Variants in IRF1 observed in about 807,000 individuals in gnomAD.
IRF1 encodes the protein interferon regulatory factor 1.
In IRF1, 13 loss-of-function variants were observed where a neutral mutation model predicts 43.7. The ratio of observed to expected loss-of-function variants is 0.30; its 90% CI spans 0.19 to 0.47. The LOEUF (loss-of-function observed/expected upper bound fraction) is 0.47, where lower values mean the gene tolerates loss of function less well. IRF1 is among the 20% of genes least tolerant of loss of function. The pLI, the probability that IRF1 is intolerant of heterozygous loss-of-function variation, is 0.99. For missense variants in IRF1, 236 were observed against 408.9 expected, an observed-to-expected ratio of 0.58 and a Z score of 3.65; for synonymous variants, 138 against 146.8, an observed-to-expected ratio of 0.94 and a Z score of 0.43.
At position 132,484,074 on chromosome 5, in the gene IRF1, C is replaced by T. The variant is rs1754455121; in HGVS notation, c.855G>A (p.Gly285=). The stretch of plus-strand genomic sequence containing the variant: ...CACGCTGTAGACTCAGCCCAATATC[C>T]CCTAGAAGATGTGAAGAAGGTTGTA... The part of the protein sequence containing the change: ...KEEPEIDSPG[G]DIGLSLQRVF... Residue 285 remains glycine (G), a splice_region_variant and synonymous_variant, in exon 10 of 10, where the codon GGG becomes GGA. Transcript: ENST00000245414. The T allele has an allele frequency of 6.2e-7, 1 of 1,613,524 alleles. No individual in the cohort carries two copies. The highest frequency in any genetic ancestry group is 1.7e-5 in the Admixed American group (1 of 59,962).
intron 3 of IRF1, 91 bp from the exon 4 acceptor site, chr5:132,487,221 T>C (rs1754557541): frequency 7.9e-7 from 1 of 1,264,800 alleles, no homozygotes; most frequent in Non-Finnish European, 1.1e-6. Context: ...AAGGTACCCC[T>C]GACCTCTTAT....
chr5:132,486,257 A>C lies in IRF1; in HGVS notation c.661T>G (p.Ser221Ala), dbSNP rs1754523411. ...NFQVSPMPST[S>A]EATTDEDEEG... ...AGGCCCCAGGAGCACCAACCTTCAG[A>C]GGTGGAGGGCATGGGTGACACCTGG... The change falls in exon 7 of 10, where the codon TCT becomes GCT. Residue 221 changes from serine to alanine, a missense_variant. Coordinates refer to ENST00000245414, the MANE Select transcript of IRF1 (RefSeq NM_002198.3). 4 of 1,613,436 alleles carry C rather than the reference A, an allele frequency of 2.5e-6. No homozygotes were observed.
rs1207445843 is a variant in IRF1, at chr5:132,490,400, C to T, written c.-6+145G>A. The T allele has an allele frequency of 1.3e-5, 2 of 149,910 alleles. No individual in the cohort carries two copies. The highest frequency in any genetic ancestry group is 2.1e-4 in the South Asian group (1 of 4,830). The allele number at this position is 149,910 out of a possible 1,614,324, so 9.3% of individuals were successfully genotyped here. ...GGCCCGCGGCTCGCAGCTCCTCCGG[C>T]GCCCCCCGGAGCCCGCGCGGAGGCC... On this transcript the variant is annotated intron_variant, in intron 1 of 9. Coordinates refer to ENST00000245414, the MANE Select transcript of IRF1 (RefSeq NM_002198.3). This position sits in a 1 kb window ranked among gnomAD's most constrained non-coding sequence, Gnocchi z 5.8.
At position 132,486,641 on chromosome 5, in the gene IRF1, T is replaced by C; in HGVS notation, c.460A>G (p.Ser154Gly). The C allele has an allele frequency of 6.2e-7, 1 of 1,614,168 alleles. No individual in the cohort carries two copies. ...SPDTFSDGLS[S>G]STLPDDHSSY... is the part of the protein sequence containing the mutation. ...CTGTGGTCATCAGGCAGAGTGGAGCTGCTGAGTCCATCAGAGAAGGTATCA... is the reference window on the plus strand; with the variant it reads ...CTGTGGTCATCAGGCAGAGTGGAGCCGCTGAGTCCATCAGAGAAGGTATCA... Residue 154 changes from serine (S) to glycine (G), a missense_variant, in exon 6 of 10, where the codon AGC becomes GGC. Ser to Gly is a moderately conservative substitution (Grantham distance 56, BLOSUM62 0). This residue lies in a region of IRF1 where 170 missense variants were observed against 251.8 expected (regional missense o/e 0.68). Transcript: ENST00000245414.
rs117282832 is a variant in IRF1, at chr5:132,488,011, G to A, written c.102C>T (p.Phe34=). Residue 34 remains phenylalanine (F), a synonymous_variant, in exon 3 of 10, where the codon TTC becomes TTT. Transcript: ENST00000245414. ...TGGCAGCATGCTTCCATGGGATCTG[G>A]AAGATCATCTCCTCCTGAACAATAC... is the stretch of plus-strand genomic sequence containing the variant. ...LIWINKEEMI[F]QIPWKHAAKH... 9.3e-6 allele frequency: 15 copies of A among 1,612,078 alleles called. No individual in the cohort carries two copies. The East Asian group carries it at 3.1e-4, about 34-fold the overall frequency.
At position 132,488,316 on chromosome 5, in the gene IRF1, C is replaced by A. The variant is rs1374319144; in HGVS notation, c.88-291G>T. On this transcript the variant is annotated intron_variant, in intron 2 of 9. Coordinates refer to ENST00000245414, the MANE Select transcript of IRF1 (RefSeq NM_002198.3). ...AGGACCCACACAGGGCACCCTCCCCCAAAGCCCTGGTTTTGAAGCTCTGGG... is the reference window on the plus strand; with the variant it reads ...AGGACCCACACAGGGCACCCTCCCCAAAAGCCCTGGTTTTGAAGCTCTGGG... 1.3e-5 allele frequency: 4 copies of A among 319,152 alleles called. No individual in the cohort carries two copies. The Admixed American group carries it at 1.8e-4, about 14-fold the overall frequency. The allele number at this position is 319,152 out of a possible 1,614,324, so 19.8% of individuals were successfully genotyped here.
rs1754672297 is a variant in IRF1 at position 132,490,166 on chromosome 5, C to G, written c.-6+379G>C. 1 of 152,348 alleles carries G rather than the reference C, an allele frequency of 6.6e-6. No homozygotes were observed. Among genetic ancestry groups the G allele is most frequent in the Non-Finnish European group, 1.5e-5 (1 of 68,126 alleles). The allele number at this position is 152,348 out of a possible 1,614,324, so 9.4% of individuals were successfully genotyped here. On this transcript the variant is annotated intron_variant, in intron 1 of 9. Coordinates refer to ENST00000245414, the MANE Select transcript of IRF1 (RefSeq NM_002198.3). This position sits in a 1 kb window ranked among gnomAD's most constrained non-coding sequence, Gnocchi z 5.8. ...CAAAACCTGTCGCCTGGGCGCGGAG[C>G]TGGGACCGCCGAAAGCCGGGAGCAC...
chr5:132,486,973 G>C lies in IRF1; in HGVS notation c.345C>G (p.Leu115=), dbSNP rs17622685. The change falls in exon 4 of 10, where the codon CTC becomes CTG. Residue 115 remains leucine, a synonymous_variant. Coordinates refer to ENST00000245414, the MANE Select transcript of IRF1 (RefSeq NM_002198.3). ...AVRVYRMLPP[L]TKNQRKERKS... is the part of the protein sequence containing the mutation. The stretch of plus-strand genomic sequence containing the variant: ...GGATACCTTTTCTCTGGTTCTTGGT[G>C]AGAGGTGGAAGCATCCGGTACACTC... 0.013 allele frequency: 20,301 copies of C among 1,614,166 alleles called. 185 individuals are homozygous for C. The highest frequency in any genetic ancestry group is 0.015 in the Non-Finnish European group (17,355 of 1,180,008).
Position 132,487,012 on chromosome 5 carries a change from G to C in IRF1, c.306C>G (p.Gly102=), listed in dbSNP as rs935917052. The C allele has an allele frequency of 2.5e-6, 4 of 1,614,074 alleles. No homozygotes were observed. The highest frequency in any genetic ancestry group is 3.4e-6 in the Non-Finnish European group (4 of 1,180,034). ...TCCGGTACACTCGCACAGCTGAGCT[G>C]CCCTTGTTCCTGCTCTGGTCTTTCA... The part of the protein sequence containing the change: ...EEVKDQSRNK[G]SSAVRVYRML... The change falls in exon 4 of 10, where the codon GGC becomes GGG. Residue 102 remains glycine, a synonymous_variant. Coordinates refer to ENST00000245414, the MANE Select transcript of IRF1 (RefSeq NM_002198.3).
At chr5:132,484,242 C>T (rs1754459649) in intron 9 of IRF1, 120 bp downstream of exon 9, 3 of 1,444,286 alleles carry the variant, frequency 2.1e-6, no homozygotes, top group Non-Finnish European at 2.9e-6. Context: ...AGCTAATTCA[C>T]AATGTGTCAG....
chr5:132,487,361 A>G, intron 3 of IRF1: 1 of 556,378 alleles, frequency 1.8e-6, no homozygotes, highest in East Asian at 3.1e-5. Flanking sequence ...TGAAGGGCCC[A>G]GCCAGAAGCA....
intron 7 of IRF1, chr5:132,485,979 G>A (rs1754515209): frequency 3.3e-6 from 2 of 598,322 alleles, no homozygotes; most frequent in Non-Finnish European, 5.9e-6. Flanking sequence ...CTCAGATGCT[G>A]GGCTACAGAG....
At position 132,487,037 on chromosome 5, in the gene IRF1, AC is replaced by A; in HGVS notation, c.280del (p.Val94Ter). ...AMNSLPDIEE[V>X]KDQSRNKGSS... The stretch of plus-strand genomic sequence containing the variant: ...GCCCTTGTTCCTGCTCTGGTCTTTC[AC>A]CTCCTCGATATCTGGCAGGGAGTTC... On this transcript the variant is annotated frameshift_variant, in exon 4 of 10. Transcript: ENST00000245414. LOFTEE classifies it high-confidence loss of function. 1 of 1,613,446 alleles carries A rather than the reference AC, an allele frequency of 6.2e-7. No individual in the cohort carries two copies. Among genetic ancestry groups the A allele is most frequent in the Non-Finnish European group, 8.5e-7 (1 of 1,179,870 alleles).
At position 132,481,791 on chromosome 5, in the gene IRF1, G is replaced by T. The variant is rs74613294; in HGVS notation, c.*2160C>A. On this transcript the variant is annotated 3_prime_UTR_variant, in exon 10 of 10. Transcript: ENST00000245414. ...GCAAGTGCTACCCAGCACAGCAGCC[G>T]TGAGGACCTTTCTTGGGCTGCTGAC... is the stretch of plus-strand genomic sequence containing the variant. The T allele has an allele frequency of 1.3e-5, 2 of 152,340 alleles. No individual in the cohort carries two copies. The highest frequency in any genetic ancestry group is 4.1e-4 in the South Asian group (2 of 4,832). The allele number at this position is 152,340 out of a possible 1,614,324, so 9.4% of individuals were successfully genotyped here.
rs960757 is a variant in IRF1 at position 132,490,618 on chromosome 5, G to A, written c.-79C>T. 0.34 allele frequency: 51,591 copies of A among 152,260 alleles called. 8,761 individuals carry two copies. The highest frequency in any genetic ancestry group is 0.49 in the Middle Eastern group (143 of 294). The allele number at this position is 152,260 out of a possible 1,614,324, so 9.4% of individuals were successfully genotyped here. On this transcript the variant is annotated 5_prime_UTR_variant, in exon 1 of 10. Transcript: ENST00000245414. The surrounding 1 kb of genome is among the most constrained non-coding windows in gnomAD (Gnocchi z 5.8). Reference sequence around the variant, plus strand: ...GCAGGGGCTGCAGTGAGGGCGCGCGGAGCGCGACTCCGAGTGGAAGAGGGA... The same window carrying A: ...GCAGGGGCTGCAGTGAGGGCGCGCGAAGCGCGACTCCGAGTGGAAGAGGGA...
Position 132,486,294 on chromosome 5 carries a change from A to T in IRF1, c.624T>A (p.Asp208Glu). ...PVEVVPDSTSDLYNFQVSPMP... is the reference protein window; with the variant it reads ...PVEVVPDSTSELYNFQVSPMP... ...TGGGTGACACCTGGAAGTTGTACAG[A>T]TCACTGGTGCTGTCCGGCACAACTT... Residue 208 changes from aspartate (D) to glutamate (E), a missense_variant, in exon 7 of 10, where the codon GAT becomes GAA. Transcript: ENST00000245414. The T allele has an allele frequency of 6.2e-7, 1 of 1,613,530 alleles. No homozygotes were observed. Among genetic ancestry groups the T allele is most frequent in the Non-Finnish European group, 8.5e-7 (1 of 1,180,016 alleles).
At chr5:132,488,849 G>A (rs1466950013) in intron 2 of IRF1, 1 of 155,404 alleles carries the variant, frequency 6.4e-6, no homozygotes, top group African/African-American at 2.4e-5. Context: ...ATACTTAGCA[G>A]GTGCCAGGCA....
At position 132,483,924 on chromosome 5, in the gene IRF1, A is replaced by G. The variant is rs1365412307; in HGVS notation, c.*27T>C. ...ATGATGCCAGGTCCTGCTTGCCTAG[A>G]GGAATAAGAGGGGCCCAGGGGCCCT... On this transcript the variant is annotated 3_prime_UTR_variant, in exon 10 of 10. Transcript: ENST00000245414. 6.2e-7 allele frequency: 1 copy of G among 1,611,030 alleles called. No homozygotes were observed. The highest frequency in any genetic ancestry group is 1.3e-5 in the African/African-American group (1 of 74,808).
chr5:132,485,749 C>A, intron 7 of IRF1, 33 bp from the exon 8 acceptor site: 1 of 1,581,046 alleles, frequency 6.3e-7, no homozygotes. Context: ...GGTTGGCTGG[C>A]AGTCAGCCAC....
Sources: gnomAD v4.1 joint callset for allele counts on GRCh38, gnomAD v4.1.1 for gene constraint, gnomAD v4.1.1 regional missense constraint, Gnocchi (gnomAD v3.1) non-coding constraint, MANE v1.5 for transcripts, NCBI Gene and HGNC (gene_info 2026-07-23, HGNC 2026-07-21) for gene names.